CRMP1: variants seen among roughly 807,000 people sequenced by gnomAD.
CRMP1 encodes dihydropyrimidinase-related protein 1.
CRMP1 carries 19 observed loss-of-function variants against 68.3 expected under a neutral mutation model. The ratio of observed to expected loss-of-function variants is 0.28; its 90% CI spans 0.19 to 0.41. The LOEUF (loss-of-function observed/expected upper bound fraction) is 0.41. CRMP1 is among the 10% of genes least tolerant of loss of function. CRMP1 has a pLI of 1.00. For synonymous variants in CRMP1, 439 were observed against 399.6 expected, an observed-to-expected ratio of 1.10 and a Z score of -1.18; for missense variants, 791 against 967.4, an observed-to-expected ratio of 0.82 and a Z score of 2.42.
intron 13 of CRMP1, among the ~76,000 whole-genome samples, chr4:5,822,493 AGGG>A (rs56927662): frequency 0.14 from 18,763 of 134,172 alleles, 1,660 homozygotes; most frequent in African/African-American, 0.26. Flanking sequence ...GTGGATCTGA[AGGG>A]GGGGGGGGTG....
In CRMP1 at chr4:5,833,328, G is replaced by A. The variant is rs987114366; in HGVS notation, c.1623+2587C>T. On this transcript the variant is annotated intron_variant, in intron 11 of 13. Coordinates refer to ENST00000324989, the MANE Select transcript of CRMP1 (RefSeq NM_001014809.3). Reference sequence around the variant, plus strand: ...ACTACAGGCGCCCGCCACTACGCCCGGCTAATTTTTTGTATTTTTAGTAGA... The same window carrying A: ...ACTACAGGCGCCCGCCACTACGCCCAGCTAATTTTTTGTATTTTTAGTAGA... Among the ~76,000 whole-genome samples, 5 of 132,236 alleles carry A rather than the reference G, an allele frequency of 3.8e-5. 1 individual carries two copies. Among genetic ancestry groups the A allele is most frequent in the African/African-American group, 1.5e-4 (5 of 33,132 alleles). 86.8% of individuals were successfully genotyped at this position (132,236 alleles called of 152,430 possible). A position where few individuals can be genotyped will look rare whatever the true frequency, so the allele number is the denominator to read the frequency against.
chr4:5,869,141 T>TGG (rs1714253339), intron 1 of CRMP1, among the ~76,000 whole-genome samples: 1 of 152,122 alleles, frequency 6.6e-6, no homozygotes, highest in African/African-American at 2.4e-5. Flanking sequence ...TTTGTAGAGA[T>TGG]GGGGTCTCAG....
chr4:5,833,710 C>G (rs1281003643), intron 11 of CRMP1, among the ~76,000 whole-genome samples: 2 of 152,180 alleles, frequency 1.3e-5, no homozygotes, highest in Non-Finnish European at 2.9e-5. Context: ...AGAGTGCCCA[C>G]TCCTGAGCAT....
chr4:5,821,876 T>C lies in CRMP1; in HGVS notation c.1970-25A>G, dbSNP rs757251245. The C allele has an allele frequency of 7.8e-6, 12 of 1,536,982 alleles. No homozygotes were observed. The South Asian group carries it at 1.2e-4, about 15-fold the overall frequency. Reference sequence around the variant, plus strand: ...CCTGAAAGAGAGCGCCAATCGCTGCTGGATGGGATCTGTTAGCATCAGTTC... The same window carrying C: ...CCTGAAAGAGAGCGCCAATCGCTGCCGGATGGGATCTGTTAGCATCAGTTC... On this transcript the variant is annotated intron_variant, in intron 13 of 13. Transcript: ENST00000324989. The surrounding 1 kb of genome is among the most constrained non-coding windows in gnomAD (Gnocchi z 4.4).
intron 1 of CRMP1, among the ~76,000 whole-genome samples, chr4:5,868,261 C>CTATCTATCTA (rs1210674102): frequency 4.5e-5 from 5 of 111,466 alleles, no homozygotes; most frequent in South Asian, 3.1e-4. Context: ...GACTATATAT[C>CTATCTATCTA]TATATATATA....
At chr4:5,874,350 G>A (rs1446679751) in intron 1 of CRMP1, among the ~76,000 whole-genome samples, 1 of 152,174 alleles carries the variant, frequency 6.6e-6, no homozygotes, top group African/African-American at 2.4e-5. Context: ...TCTTTGTTAG[G>A]AATTCAAAAT....
intron 1 of CRMP1, among the ~76,000 whole-genome samples, chr4:5,880,768 C>T (rs1175469360): frequency 2.0e-5 from 3 of 152,176 alleles, no homozygotes; most frequent in South Asian, 2.1e-4. Flanking sequence ...ATAGTAACTA[C>T]CTTCATGTTA....
chr4:5,840,140 T>C lies in CRMP1; in HGVS notation c.1154-462A>G, dbSNP rs116879914. Among the ~76,000 whole-genome samples the C allele has an allele frequency of 1.8e-3, 272 of 152,074 alleles. 2 individuals are homozygous for C. Among genetic ancestry groups the C allele is most frequent in the Admixed American group, 0.012 (185 of 15,284 alleles). ...GACATAAGGCAGGGAAAGCAGCCAA[T>C]AAAGGGAGATTTCTCATCGAGGCAC... On this transcript the variant is annotated intron_variant, in intron 8 of 13. Transcript: ENST00000324989.
chr4:5,833,457 C>T lies in CRMP1; in HGVS notation c.1623+2458G>A, dbSNP rs1028447163. Among the ~76,000 whole-genome samples the T allele has an allele frequency of 4.6e-5, 4 of 86,664 alleles. No individual in the cohort carries two copies. In the East Asian group the frequency reaches 8.3e-4, roughly 18 times the overall value. 56.9% of individuals were successfully genotyped at this position (86,664 alleles called of 152,430 possible). ...CTGGGATTACAGGCGTGAGCCACCGCGCCCGGCCCCAGAACTTTTAAGAGA... is the reference window on the plus strand; with the variant it reads ...CTGGGATTACAGGCGTGAGCCACCGTGCCCGGCCCCAGAACTTTTAAGAGA... On this transcript the variant is annotated intron_variant, in intron 11 of 13. Transcript: ENST00000324989.
Position 5,888,064 on chromosome 4 carries a change from G to A in CRMP1, c.381+4525C>T, listed in dbSNP as rs1715725815. Reference sequence around the variant, plus strand: ...CCCACCCCCATTGTCCCCAGAGGCTGGGGGAGGGGGCTGAAATCCCGAGAC... The same window carrying A: ...CCCACCCCCATTGTCCCCAGAGGCTAGGGGAGGGGGCTGAAATCCCGAGAC... On this transcript the variant is annotated intron_variant, in intron 1 of 13. Coordinates refer to ENST00000324989, the MANE Select transcript of CRMP1 (RefSeq NM_001014809.3). This position sits in a 1 kb window ranked among gnomAD's most constrained non-coding sequence, Gnocchi z 6.4. Among the ~76,000 whole-genome samples, 1 of 151,966 alleles carries A rather than the reference G, an allele frequency of 6.6e-6. No homozygotes were observed. Among genetic ancestry groups the A allele is most frequent in the Admixed American group, 6.5e-5 (1 of 15,284 alleles).
Position 5,889,474 on chromosome 4 carries a change from G to A in CRMP1, c.381+3115C>T, listed in dbSNP as rs1373553971. ...CATGATCCAGATGTTGCTCCAGAGGGAGGTGGGCAGGAAGCCAGGTCACAG... is the reference window on the plus strand; with the variant it reads ...CATGATCCAGATGTTGCTCCAGAGGAAGGTGGGCAGGAAGCCAGGTCACAG... On this transcript the variant is annotated intron_variant, in intron 1 of 13. Transcript: ENST00000324989. This position sits in a 1 kb window ranked among gnomAD's most constrained non-coding sequence, Gnocchi z 4.5. 10 of 1,265,460 alleles carry A rather than the reference G, an allele frequency of 7.9e-6. No homozygotes were observed. 78.4% of individuals were successfully genotyped at this position (1,265,460 alleles called of 1,614,324 possible).
chr4:5,825,567 T>A lies in CRMP1; in HGVS notation c.1896A>T (p.Ser632=), dbSNP rs753731675. 6.3e-7 allele frequency: 1 copy of A among 1,599,232 alleles called. No homozygotes were observed. The highest frequency in any genetic ancestry group is 8.5e-7 in the Non-Finnish European group (1 of 1,175,218). ...GGTGTTTAGAAGGCGAAGATTTGGC[T>A]GAAGGAGCGGGAGTTGCATATTTGG... is the stretch of plus-strand genomic sequence containing the variant. ...ATPKYATPAP[S]AKSSPSKHQP... Residue 632 remains serine, a synonymous_variant, in exon 13 of 14, where the codon TCA becomes TCT. Coordinates refer to ENST00000324989, the MANE Select transcript of CRMP1 (RefSeq NM_001014809.3). This position sits in a 1 kb window ranked among gnomAD's most constrained non-coding sequence, Gnocchi z 4.4.
At position 5,841,554 on chromosome 4, in the gene CRMP1, G is replaced by A; in HGVS notation, c.1033-126C>T. 4.1e-6 allele frequency: 6 copies of A among 1,452,682 alleles called. No homozygotes were observed. Among genetic ancestry groups the A allele is most frequent in the Non-Finnish European group, 5.7e-6 (6 of 1,061,162 alleles). 90.0% of individuals were successfully genotyped at this position (1,452,682 alleles called of 1,614,324 possible). ...CTCCATTGAATGAGAAGGACATACTGAGTCCAACAGCGCTTGACAGTGCCC... is the reference window on the plus strand; with the variant it reads ...CTCCATTGAATGAGAAGGACATACTAAGTCCAACAGCGCTTGACAGTGCCC... On this transcript the variant is annotated intron_variant, in intron 7 of 13. Transcript: ENST00000324989. The surrounding 1 kb of genome is among the most constrained non-coding windows in gnomAD (Gnocchi z 6.9).
chr4:5,873,811 A>G (rs1010886978), intron 1 of CRMP1, among the ~76,000 whole-genome samples: 9 of 152,168 alleles, frequency 5.9e-5, no homozygotes, highest in Non-Finnish European at 1.2e-4. Context: ...TCTTTGGCTG[A>G]AGGGTGACCT....
chr4:5,890,107 G>T lies in CRMP1; in HGVS notation c.381+2482C>A. ...GGGCCTAAAATCCCTGTCAATGACCGGAAATTGCAGATGGGGACACTGTCC... is the reference window on the plus strand; with the variant it reads ...GGGCCTAAAATCCCTGTCAATGACCTGAAATTGCAGATGGGGACACTGTCC... On this transcript the variant is annotated intron_variant, in intron 1 of 13. Transcript: ENST00000324989. The surrounding 1 kb of genome is among the most constrained non-coding windows in gnomAD (Gnocchi z 5.5). The T allele has an allele frequency of 4.1e-6, 1 of 242,354 alleles. No individual in the cohort carries two copies. The highest frequency in any genetic ancestry group is 7.6e-6 in the Non-Finnish European group (1 of 131,532). The allele number at this position is 242,354 out of a possible 1,614,324, so 15.0% of individuals were successfully genotyped here. A position where few individuals can be genotyped will look rare whatever the true frequency, so the allele number is the denominator to read the frequency against.
chr4:5,850,689 GC>G lies in CRMP1; in HGVS notation c.882+718del, dbSNP rs1288503717. Among the ~76,000 whole-genome samples the G allele has an allele frequency of 6.6e-6, 1 of 152,192 alleles. No homozygotes were observed. Among genetic ancestry groups the G allele is most frequent in the Non-Finnish European group, 1.5e-5 (1 of 68,030 alleles). ...AAAGCACAGAGAAGTTGGGAAAGCT[GC>G]CCCTGGCTGCAGAGCAAGCACCTGG... On this transcript the variant is annotated intron_variant, in intron 5 of 13. Transcript: ENST00000324989. This position sits in a 1 kb window ranked among gnomAD's most constrained non-coding sequence, Gnocchi z 4.4.
chr4:5,885,381 A>G (rs1019738106), intron 1 of CRMP1, among the ~76,000 whole-genome samples: 1 of 152,178 alleles, frequency 6.6e-6, no homozygotes, highest in Non-Finnish European at 1.5e-5. Context: ...GCTGAGAGCT[A>G]TGCCTGCTAC....
rs145307270 is a variant in CRMP1 at position 5,861,138 on chromosome 4, G to A, written c.543C>T (p.Pro181=). The A allele has an allele frequency of 3.0e-4, 488 of 1,614,060 alleles. No individual in the cohort carries two copies. Among genetic ancestry groups the A allele is most frequent in the Non-Finnish European group, 3.8e-4 (450 of 1,180,044 alleles). ...GGTACGTGTTGACATCAATACCTCC[G>A]GGAATAACCATCCGCCCGTTGGCTT... ...TIEANGRMVI[P]GGIDVNTYLQ... Residue 181 remains proline (P), a synonymous_variant, in exon 3 of 14, where the codon CCC becomes CCT. Coordinates refer to ENST00000324989, the MANE Select transcript of CRMP1 (RefSeq NM_001014809.3). This position sits in a 1 kb window ranked among gnomAD's most constrained non-coding sequence, Gnocchi z 6.0.
At chr4:5,835,334 T>C (rs1308411017) in intron 11 of CRMP1, among the ~76,000 whole-genome samples, 3 of 152,240 alleles carry the variant, frequency 2.0e-5, no homozygotes, top group African/African-American at 7.2e-5. Context: ...AGTTGTCTTC[T>C]GCCATCTCTG....
Sources: gnomAD v4.1 joint callset for allele counts (sites outside exome capture counted in the v4.1 genomes callset) on GRCh38, gnomAD v4.1.1 for gene constraint, Gnocchi (gnomAD v3.1) non-coding constraint, MANE v1.5 for transcripts, NCBI Gene and HGNC (gene_info 2026-07-23, HGNC 2026-07-21) for gene names.